The following SNX29 variants were observed in gnomAD, a reference collection of about 807,000 sequenced individuals.
SNX29 encodes the protein sorting nexin-29.
SNX29 carries 78 observed loss-of-function variants against 102.1 expected under a neutral mutation model. The observed-to-expected ratio is 0.76, with a 90% confidence interval of 0.64 to 0.92. The LOEUF (loss-of-function observed/expected upper bound fraction) is 0.92, where lower values mean the gene tolerates loss of function less well. Ranked by LOEUF, SNX29 falls within the 40% of genes least tolerant of loss-of-function variation. The pLI is 0.00. For synonymous variants in SNX29, 580 were observed against 414.5 expected (o/e 1.40, Z -4.85); for missense variants, 1,280 against 1,061.7 (o/e 1.21, Z -2.86).
At chr16:12,541,806 C>A (rs185418069) in intron 20 of SNX29, among the ~76,000 whole-genome samples, 1 of 152,090 alleles carries the variant, frequency 6.6e-6, no homozygotes, top group Admixed American at 6.6e-5. Flanking sequence ...GTTCAGAGGG[C>A]AGGAACCAAG....
intron 4 of SNX29, among the ~76,000 whole-genome samples, chr16:12,041,954 T>G (rs1238638418): frequency 6.6e-6 from 1 of 152,144 alleles, no homozygotes; most frequent in Non-Finnish European, 1.5e-5. Context: ...AATGTCAATA[T>G]TGGTCTTTTC....
At chr16:12,539,467 A>C (rs2077225655) in intron 20 of SNX29, among the ~76,000 whole-genome samples, 1 of 152,198 alleles carries the variant, frequency 6.6e-6, no homozygotes. Context: ...AAATGGATAT[A>C]CCACGGTTTA....
chr16:12,556,052 A>C (rs2141407286), intron 20 of SNX29, among the ~76,000 whole-genome samples: 1 of 151,912 alleles, frequency 6.6e-6, no homozygotes, highest in East Asian at 2.0e-4. Context: ...TGACGCTTAA[A>C]GGGTGCTTTT....
At chr16:12,157,522 T>C (rs889157054) in intron 13 of SNX29, among the ~76,000 whole-genome samples, 1 of 152,172 alleles carries the variant, frequency 6.6e-6, no homozygotes, top group African/African-American at 2.4e-5. Flanking sequence ...TGCAGTATTA[T>C]CCTTTTACCT....
intron 14 of SNX29, among the ~76,000 whole-genome samples, chr16:12,215,412 A>G (rs1005193899): frequency 2.0e-5 from 3 of 152,060 alleles, no homozygotes; most frequent in African/African-American, 7.2e-5. Context: ...TGTTATCATC[A>G]AGCGCTTTGC....
chr16:12,042,359 T>C (rs1348228070), intron 4 of SNX29, among the ~76,000 whole-genome samples: 6 of 152,300 alleles, frequency 3.9e-5, no homozygotes, highest in Admixed American at 1.3e-4. Context: ...AGCGGGTACA[T>C]GTGCAGGTTT....
chr16:12,310,832 G>A lies in SNX29; in HGVS notation c.1782+32796G>A, dbSNP rs150668902. Among the ~76,000 whole-genome samples the A allele has an allele frequency of 9.6e-4, 146 of 152,286 alleles. 1 individual carries two copies. The highest frequency in any genetic ancestry group is 3.4e-3 in the African/African-American group (140 of 41,558). On this transcript the variant is annotated intron_variant, in intron 15 of 20. Transcript: ENST00000566228. ...AAAAAATAAAGGCAAGGTGGGAACT[G>A]CCCAGGGCATCCTGGCACATAGGAG...
intron 3 of SNX29, among the ~76,000 whole-genome samples, chr16:12,009,161 T>A (rs938001297): frequency 2.0e-5 from 3 of 152,184 alleles, no homozygotes; most frequent in African/African-American, 7.2e-5. Context: ...TGTATGTAAC[T>A]GAACAAAGTG....
chr16:12,198,089 A>G (rs1483915875), intron 13 of SNX29, among the ~76,000 whole-genome samples: 1 of 152,108 alleles, frequency 6.6e-6, no homozygotes, highest in African/African-American at 2.4e-5. Flanking sequence ...AAGTGAGACG[A>G]CCAGTCTCAG....
intron 1 of SNX29, among the ~76,000 whole-genome samples, chr16:11,981,109 A>G (rs139383586): frequency 1.3e-5 from 2 of 152,138 alleles, no homozygotes; most frequent in African/African-American, 4.8e-5. Context: ...CTGGGACTAC[A>G]GGTGCACACC....
chr16:12,156,470 C>A (rs1265603311), intron 13 of SNX29, among the ~76,000 whole-genome samples: 1 of 152,192 alleles, frequency 6.6e-6, no homozygotes, highest in Non-Finnish European at 1.5e-5. Flanking sequence ...GTTGGCCCAG[C>A]CCTCTTGGAG....
chr16:12,210,852 T>A (rs990510360), intron 14 of SNX29, among the ~76,000 whole-genome samples: 2 of 152,166 alleles, frequency 1.3e-5, no homozygotes, highest in African/African-American at 4.8e-5. Context: ...GAATCTCAAG[T>A]GGCCTTTACC....
chr16:12,308,808 A>G (rs1161307208), intron 15 of SNX29, among the ~76,000 whole-genome samples: 2 of 152,162 alleles, frequency 1.3e-5, no homozygotes, highest in African/African-American at 2.4e-5. Context: ...AATGAGCAAA[A>G]GAAACAAGAA....
chr16:12,426,960 C>T (rs890190631), intron 18 of SNX29, among the ~76,000 whole-genome samples: 1 of 152,170 alleles, frequency 6.6e-6, no homozygotes, highest in South Asian at 2.1e-4. Context: ...AGCCACCATG[C>T]CTGGCCAGTA....
intron 20 of SNX29, among the ~76,000 whole-genome samples, chr16:12,563,596 CTG>C (rs1459628880): frequency 9.3e-5 from 12 of 128,620 alleles, no homozygotes; most frequent in Non-Finnish European, 1.8e-4. Flanking sequence ...GCCTCCATGT[CTG>C]TATCACCACA....
chr16:12,421,750 A>G (rs2151589304), intron 18 of SNX29, among the ~76,000 whole-genome samples: 1 of 152,066 alleles, frequency 6.6e-6, no homozygotes, highest in East Asian at 1.9e-4. Flanking sequence ...CATCACCATC[A>G]TTATCATCAT....
chr16:12,222,625 A>G (rs759504570), intron 14 of SNX29, among the ~76,000 whole-genome samples: 1 of 151,996 alleles, frequency 6.6e-6, no homozygotes, highest in Non-Finnish European at 1.5e-5. Context: ...CTGGAGTGCA[A>G]TGGTGCAATC....
At chr16:12,391,224 G>T (rs1010037481) in intron 16 of SNX29, among the ~76,000 whole-genome samples, 3 of 152,106 alleles carry the variant, frequency 2.0e-5, no homozygotes, top group African/African-American at 7.2e-5. Flanking sequence ...GGGATTACAA[G>T]CATGAGCCAC....
intron 19 of SNX29, among the ~76,000 whole-genome samples, chr16:12,504,938 G>A (rs967874035): frequency 2.0e-5 from 3 of 151,976 alleles, no homozygotes; most frequent in Admixed American, 6.6e-5. Context: ...CTATTCATTC[G>A]TCAGTTGGTA....
Sources: gnomAD v4.1 joint callset for allele counts (sites outside exome capture counted in the v4.1 genomes callset) on GRCh38, gnomAD v4.1.1 for gene constraint, MANE v1.5 for transcripts, NCBI Gene and HGNC (gene_info 2026-07-23, HGNC 2026-07-21) for gene names.